LIPA: variants seen among roughly 807,000 people sequenced by gnomAD.
The protein encoded by LIPA is lysosomal acid lipase/cholesteryl ester hydrolase.
A neutral mutation model predicts 40.6 loss-of-function variants in LIPA; 26 were observed. The observed-to-expected ratio is 0.64, with a 90% CI of 0.47 to 0.89. The LOEUF is 0.89. Ranked by LOEUF, LIPA falls within the 40% of genes least tolerant of loss-of-function variation. The pLI is 0.00. For synonymous variants in LIPA, 188 were observed against 168.4 expected (o/e 1.12, Z -0.90); for missense variants, 455 against 479.6 (o/e 0.95, Z 0.48).
chr10:89,300,615 AATTG>A (rs1329514107), intron 1 of LIPA, among the ~76,000 whole-genome samples: 1 of 152,216 alleles, frequency 6.6e-6, no homozygotes, highest in East Asian at 1.9e-4. Context: ...AGATGTTAGG[AATTG>A]TTTGGCTTAG....
At chr10:89,224,716 G>C (rs1842744119) in intron 6 of LIPA, among the ~76,000 whole-genome samples, 1 of 152,124 alleles carries the variant, frequency 6.6e-6, no homozygotes, top group East Asian at 1.9e-4. Context: ...GCTAGGGATG[G>C]GCTTTTGGGA....
chr10:89,346,822 C>T (rs1331181518), upstream of LIPA, among the ~76,000 whole-genome samples: 1 of 152,172 alleles, frequency 6.6e-6, no homozygotes, highest in East Asian at 1.9e-4. Context: ...CGCATGATGG[C>T]TGAGGAATCT....
chr10:89,370,266 C>T (rs1263689317), intron 2 of LIPA, among the ~76,000 whole-genome samples: 1 of 151,586 alleles, frequency 6.6e-6, no homozygotes, highest in African/African-American at 2.4e-5. Flanking sequence ...TCTCTGTTGC[C>T]CAGGCTGGAG....
intron 2 of LIPA, chr10:89,402,249 C>T: frequency 6.9e-7 from 1 of 1,450,198 alleles, no homozygotes; most frequent in Non-Finnish European, 9.5e-7. Context: ...TGTTCCTCAC[C>T]TAACAAAGAA....
chr10:89,370,431 C>T (rs1844085582), intron 2 of LIPA, among the ~76,000 whole-genome samples: 1 of 151,660 alleles, frequency 6.6e-6, no homozygotes, highest in Non-Finnish European at 1.5e-5. Context: ...GACAGGGTCT[C>T]TCCATGTTGC....
intron 8 of LIPA, among the ~76,000 whole-genome samples, chr10:89,221,082 G>C (rs1184732394): frequency 6.6e-6 from 1 of 152,128 alleles, no homozygotes. Context: ...GTATCACAAA[G>C]GGGCAGCAGG....
At chr10:89,243,599 A>G (rs1436478823) in intron 3 of LIPA, among the ~76,000 whole-genome samples, 1 of 152,172 alleles carries the variant, frequency 6.6e-6, no homozygotes, top group Non-Finnish European at 1.5e-5. Flanking sequence ...GGTTAAAAAA[A>G]AAAAAGAAAA....
intron 2 of LIPA, among the ~76,000 whole-genome samples, chr10:89,352,278 A>C (rs1247385796): frequency 6.6e-6 from 1 of 152,048 alleles, no homozygotes; most frequent in Non-Finnish European, 1.5e-5. Flanking sequence ...TGGCCCAATC[A>C]CAGAGGAAGG....
chr10:89,334,409 G>T (rs766021671), intron 1 of LIPA, among the ~76,000 whole-genome samples: 2 of 150,418 alleles, frequency 1.3e-5, no homozygotes, highest in Non-Finnish European at 3.0e-5. Context: ...ATCCAGGTAG[G>T]ACTGGCATTC....
intron 2 of LIPA, among the ~76,000 whole-genome samples, chr10:89,366,877 T>C: frequency 6.6e-6 from 1 of 152,170 alleles, no homozygotes; most frequent in Non-Finnish European, 1.5e-5. Context: ...CATGCACACG[T>C]ATGTTTATTG....
chr10:89,392,568 CA>C, intron 2 of LIPA: 1 of 605,154 alleles, frequency 1.7e-6, no homozygotes, highest in Non-Finnish European at 2.8e-6. Flanking sequence ...CCACAGCTTA[CA>C]CCATTGGCTG....
At chr10:89,282,002 G>A (rs1843318648) in intron 1 of LIPA, among the ~76,000 whole-genome samples, 1 of 152,076 alleles carries the variant, frequency 6.6e-6, no homozygotes, top group Admixed American at 6.6e-5. Flanking sequence ...TCACATGCAG[G>A]GTCTACACTG....
At chr10:89,339,798 T>A (rs1192949044) in intron 1 of LIPA, 1 of 1,614,016 alleles carries the variant, frequency 6.2e-7, no homozygotes, top group African/African-American at 1.3e-5. Flanking sequence ...CTGTGCAACA[T>A]GGTTTAGAGG....
chr10:89,379,942 G>A (rs1423684899), intron 2 of LIPA, among the ~76,000 whole-genome samples: 1 of 152,070 alleles, frequency 6.6e-6, no homozygotes, highest in East Asian at 1.9e-4. Context: ...GGCTGAGGCA[G>A]GAGAATGGCG....
intron 2 of LIPA, among the ~76,000 whole-genome samples, chr10:89,353,313 C>T (rs117542894): frequency 0.014 from 2,161 of 152,296 alleles, 19 homozygotes; most frequent in Middle Eastern, 0.044. Context: ...GGTATATGAA[C>T]TTCTTCTAGA....
intron 2 of LIPA, among the ~76,000 whole-genome samples, chr10:89,411,770 G>A (rs945518648): frequency 3.3e-5 from 5 of 152,140 alleles, no homozygotes; most frequent in Non-Finnish European, 7.3e-5. Flanking sequence ...ACACTAACCA[G>A]TCAGGGATAG....
chr10:89,329,039 A>C (rs1332330), intron 1 of LIPA, among the ~76,000 whole-genome samples: 1 of 151,946 alleles, frequency 6.6e-6, no homozygotes, highest in South Asian at 2.1e-4. Context: ...TTATATATTG[A>C]CCTCCTGGAG....
intron 2 of LIPA, among the ~76,000 whole-genome samples, chr10:89,408,238 C>A (rs1841441873): frequency 6.6e-6 from 1 of 152,152 alleles, no homozygotes; most frequent in African/African-American, 2.4e-5. Flanking sequence ...AATATTCTCT[C>A]TCTGATGGGG....
At chr10:89,354,338 A>C (rs960102427) in intron 2 of LIPA, among the ~76,000 whole-genome samples, 2 of 152,198 alleles carry the variant, frequency 1.3e-5, no homozygotes, top group Non-Finnish European at 2.9e-5. Flanking sequence ...CTGTCTTCCT[A>C]AAATGTATAA....
Sources: allele counts gnomAD v4.1 joint callset (sites outside exome capture counted in the v4.1 genomes callset), GRCh38; gene constraint gnomAD v4.1.1; transcripts MANE v1.5; gene names NCBI Gene and HGNC (gene_info 2026-07-23, HGNC 2026-07-21).